Variants in NRDC observed in about 807,000 individuals in gnomAD.
NRDC encodes the protein nardilysin.
NRDC carries 54 observed loss-of-function variants against 147.1 expected under a neutral mutation model. The observed-to-expected ratio is 0.37, with a 90% CI of 0.29 to 0.46. NRDC has a LOEUF of 0.46. NRDC is among the 20% of genes least tolerant of loss of function. NRDC has a pLI of 1.00. For synonymous variants in NRDC, 440 were observed against 482.1 expected (o/e 0.91, Z 1.14); for missense variants, 1,082 against 1,370.6 (o/e 0.79, Z 3.33).
chr1:51,827,958 G>T, intron 4 of NRDC, 89 bp from the exon 5 acceptor site: 1 of 989,320 alleles, frequency 1.0e-6, no homozygotes, highest in South Asian at 1.4e-5. Context: ...TACTAAGTTG[G>T]AGATTTAATT....
intron 1 of NRDC, among the ~76,000 whole-genome samples, chr1:51,877,657 A>G (rs1260505723): frequency 2.0e-5 from 3 of 152,228 alleles, no homozygotes; most frequent in Non-Finnish European, 4.4e-5. Flanking sequence ...AGAGAATTTC[A>G]AGGTTAGAAG....
intron 1 of NRDC, among the ~76,000 whole-genome samples, chr1:51,843,854 A>G (rs2994532): frequency 0.011 from 1,730 of 151,622 alleles, 30 homozygotes; most frequent in African/African-American, 0.04. Context: ...TCAGATACCA[A>G]CTCAGGTTGG....
chr1:51,844,239 C>G lies in NRDC; in HGVS notation c.342-3725G>C, dbSNP rs1051916028. On this transcript the variant is annotated intron_variant, in intron 1 of 30. Transcript: ENST00000352171. The stretch of plus-strand genomic sequence containing the variant: ...TGCTATGGGCTGAAATGTGTTCCCC[C>G]CAAAATCCTATGTTGAATCCTTAAA... Among the ~76,000 whole-genome samples, 9 of 152,176 alleles carry G rather than the reference C, an allele frequency of 5.9e-5. No homozygotes were observed. The South Asian group carries it at 1.9e-3, about 32-fold the overall frequency.
chr1:51,846,130 G>C (rs80083737), intron 1 of NRDC, among the ~76,000 whole-genome samples: 1 of 145,822 alleles, frequency 6.9e-6, no homozygotes, highest in Non-Finnish European at 1.5e-5. Flanking sequence ...TTTTTTTTTT[G>C]AGACCAAGCC....
At chr1:51,846,491 G>A (rs575030208) in intron 1 of NRDC, among the ~76,000 whole-genome samples, 1 of 152,220 alleles carries the variant, frequency 6.6e-6, no homozygotes, top group African/African-American at 2.4e-5. Context: ...CTGACTTCAA[G>A]AATGAAGCCG....
intron 9 of NRDC, 126 bp downstream of exon 9, chr1:51,819,674 T>A (rs1397056735): frequency 1.4e-5 from 10 of 724,024 alleles, no homozygotes; most frequent in South Asian, 3.8e-5. Flanking sequence ...GCCCATCTAC[T>A]TCCTTTCCAA....
chr1:51,806,943 C>T (rs372906286), intron 17 of NRDC, 30 bp from the exon 18 acceptor site: 3 of 1,603,514 alleles, frequency 1.9e-6, no homozygotes, highest in African/African-American at 1.3e-5. Flanking sequence ...ATAATTCACT[C>T]AAGTATTTCA....
chr1:51,847,129 A>G (rs961641575), intron 1 of NRDC, among the ~76,000 whole-genome samples: 12 of 151,690 alleles, frequency 7.9e-5, no homozygotes, highest in South Asian at 6.2e-4. Context: ...GCATTTACAA[A>G]CCTTGAGCTA....
intron 1 of NRDC, 100 bp from the exon 2 acceptor site, chr1:51,840,614 A>G (rs1681222446): frequency 2.4e-6 from 2 of 821,124 alleles, no homozygotes; most frequent in Admixed American, 5.6e-5. Flanking sequence ...AATCCAAGTA[A>G]AAGTACAAAC....
chr1:51,803,654 TAGTC>T (rs1447598815), intron 20 of NRDC, among the ~76,000 whole-genome samples, 156 bp downstream of exon 20: 5 of 152,332 alleles, frequency 3.3e-5, no homozygotes, highest in Non-Finnish European at 5.9e-5. Context: ...TTCTTATGGA[TAGTC>T]AGTCACAGTT....
At chr1:51,847,111 A>G (rs534607663) in intron 1 of NRDC, among the ~76,000 whole-genome samples, 1 of 151,290 alleles carries the variant, frequency 6.6e-6, no homozygotes, top group Non-Finnish European at 1.5e-5. Context: ...CACAGAGTGC[A>G]GATTGGTGCA....
chr1:51,796,219 G>T (rs1178794701), intron 22 of NRDC, among the ~76,000 whole-genome samples: 2 of 151,200 alleles, frequency 1.3e-5, no homozygotes, highest in African/African-American at 4.9e-5. Context: ...CTAACATCAG[G>T]CTTCAATATT....
chr1:51,847,494 G>A (rs111861735), intron 1 of NRDC, among the ~76,000 whole-genome samples: 1 of 152,232 alleles, frequency 6.6e-6, no homozygotes, highest in African/African-American at 2.4e-5. Context: ...GCTCAGGCAC[G>A]GCGGGCTGCA....
chr1:51,803,853 A>C lies in NRDC; in HGVS notation c.2274T>G (p.Gly758=). 1 of 1,613,772 alleles carries C rather than the reference A, an allele frequency of 6.2e-7. No homozygotes were observed. The highest frequency in any genetic ancestry group is 8.5e-7 in the Non-Finnish European group (1 of 1,179,824). ...TAAATCCTTTCACTCGAATAATTAA[A>C]CCATGTTCTCCAGCTACCAGTTTAT... ...LEYKLVAGEH[G]LIIRVKGFNH... The change falls in exon 20 of 31, where the codon GGT becomes GGG. Residue 758 remains glycine, a synonymous_variant. Coordinates refer to ENST00000352171, the MANE Select transcript of NRDC (RefSeq NM_001101662.2).
chr1:51,798,760 C>T (rs1383601285), intron 21 of NRDC: 1 of 173,900 alleles, frequency 5.8e-6, no homozygotes, highest in Non-Finnish European at 1.2e-5. Flanking sequence ...ACTAATATTT[C>T]ATTAATTACT....
chr1:51,813,123 T>A (rs918043858), intron 14 of NRDC, among the ~76,000 whole-genome samples: 7 of 152,048 alleles, frequency 4.6e-5, no homozygotes, highest in Admixed American at 6.6e-5. Flanking sequence ...ATTAAAATTT[T>A]AAAAAAATTA....
intron 17 of NRDC, among the ~76,000 whole-genome samples, chr1:51,808,079 T>G (rs1571853713): frequency 6.6e-6 from 1 of 152,228 alleles, no homozygotes; most frequent in East Asian, 1.9e-4. Context: ...GTGCTGGGAT[T>G]ACAGGTATGA....
chr1:51,825,542 G>C (rs1437223344), intron 5 of NRDC, among the ~76,000 whole-genome samples, 160 bp from the exon 6 acceptor site: 2 of 152,106 alleles, frequency 1.3e-5, no homozygotes, highest in Admixed American at 6.6e-5. Flanking sequence ...TCCAGGCCTG[G>C]CTCTATGACT....
chr1:51,795,980 A>C (rs1165565952), intron 22 of NRDC, among the ~76,000 whole-genome samples: 1 of 152,022 alleles, frequency 6.6e-6, no homozygotes, highest in Admixed American at 6.6e-5. Flanking sequence ...TCCTGGGCTC[A>C]AGCAATCCTC....
Sources: gnomAD v4.1 joint callset for allele counts (sites outside exome capture counted in the v4.1 genomes callset) on GRCh38, gnomAD v4.1.1 for gene constraint, MANE v1.5 for transcripts, NCBI Gene and HGNC (gene_info 2026-07-23, HGNC 2026-07-21) for gene names.